ZFP1: variants seen among roughly 807,000 people sequenced by gnomAD.
The protein encoded by ZFP1 is zinc finger protein 1 homolog.
Under a neutral mutation model 38.5 loss-of-function variants are expected in ZFP1, and 32 were observed. The observed-to-expected ratio is 0.83, with a 90% confidence interval of 0.63 to 1.12. The LOEUF (loss-of-function observed/expected upper bound fraction) is 1.12, where lower values mean the gene tolerates loss of function less well. Ranked by LOEUF, ZFP1 falls within the 50% of genes most tolerant of loss-of-function variation. The probability of loss-of-function intolerance (pLI) is 0.00; values close to 1 mark genes in which losing one functional copy is unlikely to be tolerated. For synonymous variants in ZFP1, 245 were observed against 168.8 expected, an observed-to-expected ratio of 1.45 and a Z score of -3.50; for missense variants, 616 against 480.8, an observed-to-expected ratio of 1.28 and a Z score of -2.63.
chr16:75,138,744 C>G, the ZFP1 span, among the ~76,000 whole-genome samples: 1 of 152,220 alleles, frequency 6.6e-6, no homozygotes, highest in South Asian at 2.1e-4. Context: ...AGGGAAATCC[C>G]TGGAAGGCAG....
the ZFP1 span, among the ~76,000 whole-genome samples, chr16:75,127,674 G>T: frequency 6.6e-6 from 1 of 152,072 alleles, no homozygotes; most frequent in Non-Finnish European, 1.5e-5. Flanking sequence ...TGTGACATCA[G>T]CATAAAGGAA....
At chr16:75,157,938 T>C (rs1400268995) in intron 2 of ZFP1, among the ~76,000 whole-genome samples, 2 of 151,766 alleles carry the variant, frequency 1.3e-5, no homozygotes, top group Admixed American at 6.6e-5. Context: ...TGTACCACCA[T>C]GCTCAGGCAA....
upstream of ZFP1, among the ~76,000 whole-genome samples, chr16:75,146,650 G>A (rs376317870): frequency 1.4e-4 from 22 of 152,102 alleles, no homozygotes; most frequent in African/African-American, 5.3e-4. Flanking sequence ...GCACTAAAAC[G>A]AACTGAGGCT....
At chr16:75,140,731 G>T in the ZFP1 span, among the ~76,000 whole-genome samples, 1 of 152,196 alleles carries the variant, frequency 6.6e-6, no homozygotes, top group South Asian at 2.1e-4. Context: ...AGGCCAAGGC[G>T]GGCGGATCAC....
At chr16:75,128,780 CTT>C in the ZFP1 span, among the ~76,000 whole-genome samples, 1 of 152,084 alleles carries the variant, frequency 6.6e-6, no homozygotes, top group Admixed American at 6.6e-5. Flanking sequence ...ACATAAGCCA[CTT>C]TTTTTGTTGT....
At chr16:75,165,863 A>T (rs1208530584) in intron 2 of ZFP1, among the ~76,000 whole-genome samples, 4 of 152,096 alleles carry the variant, frequency 2.6e-5, no homozygotes, top group Non-Finnish European at 5.9e-5. Flanking sequence ...CTGCAAGTAT[A>T]TTAGACCTTT....
chr16:75,157,862 C>G (rs111284352), intron 2 of ZFP1, among the ~76,000 whole-genome samples: 2,132 of 151,956 alleles, frequency 0.014, 60 homozygotes, highest in African/African-American at 0.049. Flanking sequence ...GTGGCTTGAT[C>G]TTCACTCACT....
the ZFP1 span, among the ~76,000 whole-genome samples, chr16:75,127,644 T>G: frequency 6.6e-6 from 1 of 152,062 alleles, no homozygotes; most frequent in Admixed American, 6.6e-5. Flanking sequence ...TGAATGCAGG[T>G]TTCTGATAAC....
intron 2 of ZFP1, among the ~76,000 whole-genome samples, chr16:75,156,874 A>T (rs1013885656): frequency 6.6e-6 from 1 of 152,226 alleles, no homozygotes; most frequent in Non-Finnish European, 1.5e-5. Flanking sequence ...AGATAAGCCA[A>T]ACCAAGTACA....
At chr16:75,120,600 A>ATTGT in the ZFP1 span, among the ~76,000 whole-genome samples, 4 of 134,244 alleles carry the variant, frequency 3.0e-5, no homozygotes, top group African/African-American at 1.2e-4. Flanking sequence ...TGTTTTTTGT[A>ATTGT]TTGTTTGTTT....
At chr16:75,161,156 C>T (rs2037752298) in intron 2 of ZFP1, among the ~76,000 whole-genome samples, 1 of 152,142 alleles carries the variant, frequency 6.6e-6, no homozygotes, top group Non-Finnish European at 1.5e-5. Context: ...CCACCTCCGC[C>T]TTCCGGGTTC....
Position 75,170,439 on chromosome 16 carries a change from C to CAA in ZFP1, c.*106_*107dup. On this transcript the variant is annotated 3_prime_UTR_variant, in exon 4 of 4. Coordinates refer to ENST00000570010, the MANE Select transcript of ZFP1 (RefSeq NM_153688.4). ...GAACATGGGAATTCATACTGAGATG[C>CAA]AATCTCTCAACTCAAAAATGTATTA... is the stretch of plus-strand genomic sequence containing the variant. The CAA allele has an allele frequency of 1.4e-6, 2 of 1,390,770 alleles. No homozygotes were observed. The highest frequency in any genetic ancestry group is 1.9e-6 in the Non-Finnish European group (2 of 1,059,658). The allele number at this position is 1,390,770 out of a possible 1,614,324, so 86.2% of individuals were successfully genotyped here.
At chr16:75,127,624 C>A in the ZFP1 span, among the ~76,000 whole-genome samples, 1 of 152,088 alleles carries the variant, frequency 6.6e-6, no homozygotes, top group Admixed American at 6.6e-5. Flanking sequence ...TCTGGCCTAA[C>A]AGGTGCTCTT....
At chr16:75,122,228 G>A in the ZFP1 span, among the ~76,000 whole-genome samples, 37 of 152,294 alleles carry the variant, frequency 2.4e-4, 1 homozygote, top group East Asian at 4.6e-3. Flanking sequence ...CTGCTGTGTC[G>A]TTCCCCTATT....
the ZFP1 span, among the ~76,000 whole-genome samples, chr16:75,129,460 C>T: frequency 1.1e-4 from 17 of 152,180 alleles, no homozygotes; most frequent in Non-Finnish European, 4.4e-5. Flanking sequence ...TTAGGGCAAA[C>T]CTGCCTCCCA....
Position 75,169,667 on chromosome 16 carries a change from G to C in ZFP1, c.557G>C (p.Cys186Ser), listed in dbSNP as rs1412376899. ...KIKNLVQPFI[C>S]TYCDKAFSFK... ...AAAAACTTGGTTCAACCTTTCATTTGTACTTACTGTGACAAGGCTTTCTCC... is the reference window on the plus strand; with the variant it reads ...AAAAACTTGGTTCAACCTTTCATTTCTACTTACTGTGACAAGGCTTTCTCC... The change falls in exon 4 of 4, where the codon TGT becomes TCT. Residue 186 changes from cysteine (C) to serine (S), a missense_variant. Coordinates refer to ENST00000570010, the MANE Select transcript of ZFP1 (RefSeq NM_153688.4). The C allele has an allele frequency of 6.2e-7, 1 of 1,608,612 alleles. No homozygotes were observed. The highest frequency in any genetic ancestry group is 8.5e-7 in the Non-Finnish European group (1 of 1,178,340).
chr16:75,124,609 C>T, the ZFP1 span, among the ~76,000 whole-genome samples: 7 of 149,408 alleles, frequency 4.7e-5, no homozygotes, highest in Non-Finnish European at 8.9e-5. Context: ...CGGTGAAACC[C>T]CATCTCTACT....
intron 1 of ZFP1, among the ~76,000 whole-genome samples, chr16:75,149,765 T>A (rs1166853995): frequency 6.6e-6 from 1 of 151,970 alleles, no homozygotes; most frequent in Non-Finnish European, 1.5e-5. Context: ...AAATACTACT[T>A]TAACTACATC....
At chr16:75,159,191 T>C (rs951217107) in intron 2 of ZFP1, among the ~76,000 whole-genome samples, 15 of 150,546 alleles carry the variant, frequency 1.0e-4, no homozygotes, top group Middle Eastern at 3.5e-3. Flanking sequence ...GCCACATGCC[T>C]GGCCTCGTTG....
Sources: gnomAD v4.1 joint callset for allele counts (sites outside exome capture counted in the v4.1 genomes callset) on GRCh38, gnomAD v4.1.1 for gene constraint, MANE v1.5 for transcripts, NCBI Gene and HGNC (gene_info 2026-07-23, HGNC 2026-07-21) for gene names.